Variants in PITPNB observed in about 807,000 individuals in gnomAD.
PITPNB encodes phosphatidylinositol transfer protein beta isoform.
Under a neutral mutation model 45.9 loss-of-function variants are expected in PITPNB, and 16 were observed. That is an observed-to-expected ratio of 0.35 (90% CI 0.24 to 0.53). The LOEUF is 0.53. Among genes scored for constraint, PITPNB ranks in the 20% least tolerant of loss-of-function variants. PITPNB has a pLI of 0.93. For missense variants in PITPNB, 188 were observed against 330.5 expected (o/e 0.57, Z 3.34); for synonymous variants, 112 against 108.9 (o/e 1.03, Z -0.18).
At chr22:27,868,858 AC>A (rs1465097109) in intron 8 of PITPNB, among the ~76,000 whole-genome samples, 1 of 152,160 alleles carries the variant, frequency 6.6e-6, no homozygotes, top group African/African-American at 2.4e-5. Flanking sequence ...TCTTACAAAG[AC>A]CTTTAGAGGC....
chr22:27,919,137 C>A (rs772454814), intron 1 of PITPNB, 35 bp downstream of exon 1: 1 of 1,614,012 alleles, frequency 6.2e-7, no homozygotes, highest in Non-Finnish European at 8.5e-7. Context: ...TCACTGCCGT[C>A]CCACGGCCTC....
rs112945709 is a variant in PITPNB, at chr22:27,897,637, G to T, written c.289+164C>A. Among the ~76,000 whole-genome samples the T allele has an allele frequency of 3.7e-4, 56 of 152,254 alleles. 1 individual carries two copies. The highest frequency in any genetic ancestry group is 1.3e-3 in the African/African-American group (54 of 41,538). ...TATGCCTGTCACAAAGTTCTAGGGGGAGGAACCCAATGCAGCCCTTCCTCT... is the reference window on the plus strand; with the variant it reads ...TATGCCTGTCACAAAGTTCTAGGGGTAGGAACCCAATGCAGCCCTTCCTCT... On this transcript the variant is annotated intron_variant, in intron 4 of 11. Coordinates refer to ENST00000335272, the MANE Select transcript of PITPNB (RefSeq NM_012399.5).
chr22:27,914,415 G>A (rs992883103), intron 1 of PITPNB, 68 bp from the exon 2 acceptor site: 2 of 918,764 alleles, frequency 2.2e-6, no homozygotes, highest in African/African-American at 1.7e-5. Flanking sequence ...TCTCTGAAGA[G>A]GTTTTACCTT....
At chr22:27,905,296 T>C (rs1254242809) in intron 3 of PITPNB, among the ~76,000 whole-genome samples, 1 of 152,110 alleles carries the variant, frequency 6.6e-6, no homozygotes, top group African/African-American at 2.4e-5. Flanking sequence ...TACAGGTGCC[T>C]GCCACCACAT....
chr22:27,896,382 T>C lies in PITPNB; in HGVS notation c.372+170A>G, dbSNP rs768907012. Reference sequence around the variant, plus strand: ...CAAAGTGTCAAGGCAAGCGGACTGATAGGGAAAGCCTATTTGGTTTCTGGC... The same window carrying C: ...CAAAGTGTCAAGGCAAGCGGACTGACAGGGAAAGCCTATTTGGTTTCTGGC... On this transcript the variant is annotated intron_variant, in intron 6 of 11. Coordinates refer to ENST00000335272, the MANE Select transcript of PITPNB (RefSeq NM_012399.5). 4.6e-5 allele frequency among the ~76,000 whole-genome samples: 7 copies of C among 152,344 alleles called. No individual in the cohort carries two copies. The East Asian group carries it at 1.3e-3, about 29-fold the overall frequency.
Position 27,852,576 on chromosome 22 carries a change from C to T in PITPNB, c.*1126G>A, listed in dbSNP as rs2146340008. The T allele has an allele frequency of 6.6e-6, 1 of 152,390 alleles. No individual in the cohort carries two copies. Among genetic ancestry groups the T allele is most frequent in the East Asian group, 1.9e-4 (1 of 5,172 alleles). The allele number at this position is 152,390 out of a possible 1,614,324, so 9.4% of individuals were successfully genotyped here. A position where few individuals can be genotyped will look rare whatever the true frequency, so the allele number is the denominator to read the frequency against. On this transcript the variant is annotated 3_prime_UTR_variant, in exon 12 of 12. Transcript: ENST00000335272. Reference sequence around the variant, plus strand: ...TCACCGCACGCAGGCCAGACTCACACTGCATCTTAAACTGTTCCTATCTCA... The same window carrying T: ...TCACCGCACGCAGGCCAGACTCACATTGCATCTTAAACTGTTCCTATCTCA...
In PITPNB at chr22:27,852,704, G is replaced by C. The variant is rs1480822619; in HGVS notation, c.*998C>G. On this transcript the variant is annotated 3_prime_UTR_variant, in exon 12 of 12. Coordinates refer to ENST00000335272, the MANE Select transcript of PITPNB (RefSeq NM_012399.5). ...GAGCTCTGAGGAATCTAGACCATTT[G>C]CATAGTTTCCAAGCTGTAGTTACAG... is the stretch of plus-strand genomic sequence containing the variant. 4 of 152,620 alleles carry C rather than the reference G, an allele frequency of 2.6e-5. No individual in the cohort carries two copies. In the South Asian group the frequency reaches 6.2e-4, roughly 24 times the overall value. The allele number at this position is 152,620 out of a possible 1,614,324, so 9.5% of individuals were successfully genotyped here.
intron 10 of PITPNB, among the ~76,000 whole-genome samples, chr22:27,857,617 C>A (rs2146345731): frequency 6.6e-6 from 1 of 152,310 alleles, no homozygotes; most frequent in South Asian, 2.1e-4. Context: ...CACATGGAAA[C>A]CACTAGCAGG....
rs755374876 is a variant in PITPNB at position 27,857,442 on chromosome 22, G to A, written c.768+945C>T. On this transcript the variant is annotated intron_variant, in intron 10 of 11. Coordinates refer to ENST00000335272, the MANE Select transcript of PITPNB (RefSeq NM_012399.5). The stretch of plus-strand genomic sequence containing the variant: ...AAGCAATTTTAAACAGATTCTTTAC[G>A]ATGCTATGTGCCAGAAAAATAGGTT... 3.9e-5 allele frequency among the ~76,000 whole-genome samples: 6 copies of A among 152,132 alleles called. No individual in the cohort carries two copies. In the South Asian group the frequency reaches 1.0e-3, roughly 26 times the overall value.
At chr22:27,905,309 C>T (rs1010752231) in intron 3 of PITPNB, among the ~76,000 whole-genome samples, 4 of 152,026 alleles carry the variant, frequency 2.6e-5, no homozygotes, top group Admixed American at 1.3e-4. Context: ...CACCACATTC[C>T]GCTAAATTTT....
intron 8 of PITPNB, among the ~76,000 whole-genome samples, chr22:27,861,583 G>A (rs1304544189): frequency 2.6e-5 from 4 of 152,170 alleles, no homozygotes; most frequent in Non-Finnish European, 4.4e-5. Context: ...CAGGTTCACA[G>A]CAGTGAGCAA....
chr22:27,918,072 T>A (rs1936136704), intron 1 of PITPNB, among the ~76,000 whole-genome samples: 1 of 152,044 alleles, frequency 6.6e-6, no homozygotes, highest in African/African-American at 2.4e-5. Flanking sequence ...GAAGATGGAA[T>A]GGGCAAGGAA....
chr22:27,890,062 G>C (rs1232991407), intron 7 of PITPNB, among the ~76,000 whole-genome samples: 1 of 152,114 alleles, frequency 6.6e-6, no homozygotes, highest in Non-Finnish European at 1.5e-5. Context: ...AGAGTGTAGG[G>C]GCAGCTGTCA....
chr22:27,910,856 C>G (rs1486411700), intron 3 of PITPNB, 108 bp downstream of exon 3: 13 of 750,562 alleles, frequency 1.7e-5, no homozygotes, highest in Non-Finnish European at 2.7e-5. Flanking sequence ...AATATATTAT[C>G]AAACTGAAAT....
At chr22:27,857,237 A>C (rs10483137) in intron 10 of PITPNB, among the ~76,000 whole-genome samples, 4,590 of 152,278 alleles carry the variant, frequency 0.03, 67 homozygotes, top group Middle Eastern at 0.034. Flanking sequence ...AATTTCAAAC[A>C]ATCAACTTAA....
chr22:27,896,841 C>G (rs1323371865), intron 5 of PITPNB: 4 of 603,664 alleles, frequency 6.6e-6, no homozygotes, highest in Non-Finnish European at 1.2e-5. Context: ...ATTCTACTTG[C>G]CACGTGGCAT....
At chr22:27,913,482 C>A (rs1212614942) in intron 2 of PITPNB, among the ~76,000 whole-genome samples, 2 of 152,158 alleles carry the variant, frequency 1.3e-5, no homozygotes, top group African/African-American at 4.8e-5. Context: ...ATCTTGATTT[C>A]TCAGAAGCTG....
intron 7 of PITPNB, among the ~76,000 whole-genome samples, chr22:27,880,069 C>T (rs1934925458): frequency 6.6e-6 from 1 of 152,172 alleles, no homozygotes; most frequent in South Asian, 2.1e-4. Context: ...CCCACATTCT[C>T]CCAGTTAATG....
At chr22:27,903,687 G>T (rs1405103788) in intron 3 of PITPNB, among the ~76,000 whole-genome samples, 1 of 148,204 alleles carries the variant, frequency 6.7e-6, no homozygotes, top group African/African-American at 2.5e-5. Flanking sequence ...GAGGTGGGGG[G>T]ATTGCTTGAG....
Sources: gnomAD v4.1 joint callset for allele counts (sites outside exome capture counted in the v4.1 genomes callset) on GRCh38, gnomAD v4.1.1 for gene constraint, MANE v1.5 for transcripts, NCBI Gene and HGNC (gene_info 2026-07-23, HGNC 2026-07-21) for gene names.